Variants in GTF2F1 observed in about 807,000 individuals in gnomAD.
GTF2F1 encodes the protein general transcription factor IIF subunit 1.
A neutral mutation model predicts 63.5 loss-of-function variants in GTF2F1; 39 were observed. That is an observed-to-expected ratio of 0.61 (90% CI 0.48 to 0.80). The LOEUF (loss-of-function observed/expected upper bound fraction) is 0.80. Ranked by LOEUF, GTF2F1 falls within the 30% of genes least tolerant of loss-of-function variation. The pLI, the probability that GTF2F1 is intolerant of heterozygous loss-of-function variation, is 0.00. For synonymous variants in GTF2F1, 287 were observed against 285.3 expected (o/e 1.01, Z -0.06); for missense variants, 657 against 718.3 (o/e 0.91, Z 0.97).
At position 6,383,678 on chromosome 19, in the gene GTF2F1, C is replaced by T. The variant is rs1034040830; in HGVS notation, c.498-183G>A. ...ATAGAGCCAGCCCTTCCTGCCTTCC[C>T]GTTCTGCCCCGAGTCCCTCAAAGAG... is the stretch of plus-strand genomic sequence containing the variant. On this transcript the variant is annotated intron_variant, in intron 5 of 12. Coordinates refer to ENST00000394456, the MANE Select transcript of GTF2F1 (RefSeq NM_002096.3). The surrounding 1 kb of genome is among the most constrained non-coding windows in gnomAD (Gnocchi z 4.5). Among the ~76,000 whole-genome samples the T allele has an allele frequency of 5.3e-5, 8 of 152,246 alleles. No homozygotes were observed. The highest frequency in any genetic ancestry group is 9.6e-5 in the African/African-American group (4 of 41,460).
chr19:6,381,997 C>T lies in GTF2F1; in HGVS notation c.683-147G>A. ...TACACCTCCAGGGCCAGCCCAGGAG[C>T]TCAGCTCTCCTAAACAAACTCCCGG... On this transcript the variant is annotated intron_variant, in intron 6 of 12. Transcript: ENST00000394456. This position sits in a 1 kb window ranked among gnomAD's most constrained non-coding sequence, Gnocchi z 4.1. The T allele has an allele frequency of 1.5e-6, 1 of 664,240 alleles. No homozygotes were observed. Among genetic ancestry groups the T allele is most frequent in the East Asian group, 2.7e-5 (1 of 36,978 alleles). The allele number at this position is 664,240 out of a possible 1,614,324, so 41.1% of individuals were successfully genotyped here.
chr19:6,380,790 C>T lies in GTF2F1; in HGVS notation c.1232-100G>A. 1 of 1,509,468 alleles carries T rather than the reference C, an allele frequency of 6.6e-7. No individual in the cohort carries two copies. Among genetic ancestry groups the T allele is most frequent in the Non-Finnish European group, 9.0e-7 (1 of 1,115,224 alleles). 93.5% of individuals were successfully genotyped at this position (1,509,468 alleles called of 1,614,324 possible). ...TGCCAGGATTAGGGTTCAAGGGGAT[C>T]AGGGAGAGACAGGCCTCCACCCGCA... On this transcript the variant is annotated intron_variant, in intron 11 of 12. Coordinates refer to ENST00000394456, the MANE Select transcript of GTF2F1 (RefSeq NM_002096.3). The surrounding 1 kb of genome is among the most constrained non-coding windows in gnomAD (Gnocchi z 5.3).
At chr19:6,386,399 C>A (rs202197476) in intron 5 of GTF2F1, among the ~76,000 whole-genome samples, 12 of 151,604 alleles carry the variant, frequency 7.9e-5, no homozygotes, top group East Asian at 5.9e-4. Context: ...AAAAAAAACA[C>A]ACAAACAAAC....
In GTF2F1 at chr19:6,392,964, C is replaced by G. The variant is rs769782487; in HGVS notation, c.12+20G>C. 4 of 1,614,166 alleles carry G rather than the reference C, an allele frequency of 2.5e-6. No homozygotes were observed. Among genetic ancestry groups the G allele is most frequent in the Non-Finnish European group, 3.4e-6 (4 of 1,180,036 alleles). On this transcript the variant is annotated intron_variant, in intron 1 of 12. Transcript: ENST00000394456. ...GAGGTCGCCGTCGGAACCCCCGAAC[C>G]CCGCCAAATCCACACTCACTAGGGC...
Position 6,380,734 on chromosome 19 carries a change from G to A in GTF2F1, c.1232-44C>T. The A allele has an allele frequency of 1.1e-5, 18 of 1,591,196 alleles. No homozygotes were observed. The highest frequency in any genetic ancestry group is 1.5e-5 in the Non-Finnish European group (17 of 1,169,206). On this transcript the variant is annotated intron_variant, in intron 11 of 12. Coordinates refer to ENST00000394456, the MANE Select transcript of GTF2F1 (RefSeq NM_002096.3). The surrounding 1 kb of genome is among the most constrained non-coding windows in gnomAD (Gnocchi z 5.3). ...GGCTGAGTCTTGCAGGCAGGAGGCA[G>A]AACCCCTGGGCAGGACCCCAGGCTG...
rs746955897 is a variant in GTF2F1, at chr19:6,381,556, T to C, written c.896A>G (p.Lys299Arg). Residue 299 changes from lysine (K) to arginine (R), a missense_variant and splice_region_variant, in exon 8 of 13, where the codon AAG becomes AGG. Transcript: ENST00000394456. This position sits in a 1 kb window ranked among gnomAD's most constrained non-coding sequence, Gnocchi z 4.1. ...AKAPQQEEGP[K>R]GVDEQSDSSE... ...CGGCCCGCCCAGCCATCGCCTACCC[T>C]TGGGCCCCTCCTCCTGCTGCGGCGC... 5 of 1,613,148 alleles carry C rather than the reference T, an allele frequency of 3.1e-6. No individual in the cohort carries two copies. The highest frequency in any genetic ancestry group is 2.7e-5 in the African/African-American group (2 of 75,066).
Position 6,380,426 on chromosome 19 carries a change from G to C in GTF2F1, c.1409C>G (p.Thr470Ser). The C allele has an allele frequency of 6.2e-7, 1 of 1,614,146 alleles. No individual in the cohort carries two copies. The highest frequency in any genetic ancestry group is 8.5e-7 in the Non-Finnish European group (1 of 1,180,034). Residue 470 changes from threonine (T) to serine (S), a missense_variant, in exon 13 of 13, where the codon ACT becomes AGT. Physicochemically the swap from Thr to Ser is moderately conservative, Grantham distance 58. This residue lies in a region of GTF2F1 where 55 missense variants were observed against 92.6 expected (regional missense o/e 0.59). Transcript: ENST00000394456. The surrounding 1 kb of genome is among the most constrained non-coding windows in gnomAD (Gnocchi z 5.3). ...RRYLTRKPMT[T>S]KDLLKKFQTK... ...CTGGAACTTTTTCAGCAGGTCCTTA[G>C]TGGTCATGGGCTTCCGTGTCAGGTA...
At chr19:6,392,076 C>T (rs764788442) in intron 2 of GTF2F1, 102 bp from the exon 3 acceptor site, 21 of 692,910 alleles carry the variant, frequency 3.0e-5, no homozygotes, top group African/African-American at 2.8e-4. Context: ...AACCACCCAA[C>T]TGGATCGTTA....
intron 5 of GTF2F1, among the ~76,000 whole-genome samples, chr19:6,384,364 C>T (rs2091966383): frequency 6.6e-6 from 1 of 151,538 alleles, no homozygotes; most frequent in South Asian, 2.1e-4. Flanking sequence ...AAAAATTAGC[C>T]GGGCGTGGTG....
intron 4 of GTF2F1, among the ~76,000 whole-genome samples, chr19:6,387,945 T>C (rs1424774584): frequency 6.7e-6 from 1 of 149,932 alleles, no homozygotes; most frequent in African/African-American, 2.4e-5. Context: ...AATTTTTTTT[T>C]TTGAGATGGA....
In GTF2F1 at chr19:6,383,882, C is replaced by T. The variant is rs138536508; in HGVS notation, c.498-387G>A. Among the ~76,000 whole-genome samples, 8,614 of 152,036 alleles carry T rather than the reference C, an allele frequency of 0.057. 337 individuals carry two copies. The highest frequency in any genetic ancestry group is 0.088 in the Non-Finnish European group (5,948 of 67,946). On this transcript the variant is annotated intron_variant, in intron 5 of 12. Transcript: ENST00000394456. This position sits in a 1 kb window ranked among gnomAD's most constrained non-coding sequence, Gnocchi z 4.5. Reference sequence around the variant, plus strand: ...TGTGATCTCGGCTCACTGCAACCTCCGCCTCCTGGCTTCAAGCAATTCTCC... The same window carrying T: ...TGTGATCTCGGCTCACTGCAACCTCTGCCTCCTGGCTTCAAGCAATTCTCC...
Position 6,380,741 on chromosome 19 carries a change from T to C in GTF2F1, c.1232-51A>G. 1 of 1,586,456 alleles carries C rather than the reference T, an allele frequency of 6.3e-7. No homozygotes were observed. Among genetic ancestry groups the C allele is most frequent in the Non-Finnish European group, 8.6e-7 (1 of 1,165,870 alleles). ...TCTTGCAGGCAGGAGGCAGAACCCC[T>C]GGGCAGGACCCCAGGCTGGGCAGTG... On this transcript the variant is annotated intron_variant, in intron 11 of 12. Transcript: ENST00000394456. The surrounding 1 kb of genome is among the most constrained non-coding windows in gnomAD (Gnocchi z 5.3).
rs369168009 is a variant in GTF2F1, at chr19:6,384,774, GTTCTTTTCTT to G, written c.498-1289_498-1280del. Among the ~76,000 whole-genome samples the G allele has an allele frequency of 6.9e-3, 1,049 of 151,886 alleles. 6 individuals carry two copies. Among genetic ancestry groups the G allele is most frequent in the African/African-American group, 0.024 (975 of 41,402 alleles). On this transcript the variant is annotated intron_variant, in intron 5 of 12. Coordinates refer to ENST00000394456, the MANE Select transcript of GTF2F1 (RefSeq NM_002096.3). Reference sequence around the variant, plus strand: ...ACATGGCGAGACACCATCACCATTTGTTCTTTTCTTTTCTTTTCTTTTCTTTTGAGTTGGA... The same window carrying G: ...ACATGGCGAGACACCATCACCATTTGTTCTTTTCTTTTCTTTTGAGTTGGA...
rs1442056148 is a variant in GTF2F1, at chr19:6,392,984, T to G, written c.12A>C (p.Leu4=). 1.2e-6 allele frequency: 2 copies of G among 1,614,072 alleles called. No homozygotes were observed. Among genetic ancestry groups the G allele is most frequent in the Non-Finnish European group, 1.7e-6 (2 of 1,180,010 alleles). MAA[L]GPSSQNVTEY... ...CGAACCCCGCCAAATCCACACTCAC[T>G]AGGGCCGCCATGGGCAATGGTCAGT... is the stretch of plus-strand genomic sequence containing the variant. Residue 4 remains leucine, a splice_region_variant and synonymous_variant, in exon 1 of 13, where the codon CTA becomes CTC. Transcript: ENST00000394456.
chr19:6,388,937 C>A (rs1050002693), intron 4 of GTF2F1, among the ~76,000 whole-genome samples: 2 of 152,050 alleles, frequency 1.3e-5, no homozygotes, highest in East Asian at 1.9e-4. Flanking sequence ...CGGAGTGAGA[C>A]CCTGTCTCAA....
Position 6,380,642 on chromosome 19 carries a change from G to A in GTF2F1, c.1280C>T (p.Thr427Met), listed in dbSNP as rs374679232. The part of the protein sequence containing the change: ...MPAAKRLRLD[T>M]GPQSLSGKST... ...CTTCCCAGACAGGCTCTGGGGTCCC[G>A]TGTCCAGCCGCAACCGCTTGGCTGC... The change falls in exon 12 of 13, where the codon ACG becomes ATG. Residue 427 changes from threonine to methionine, a missense_variant. This residue lies in a region of GTF2F1 where 602 missense variants were observed against 625.6 expected (regional missense o/e 0.96). Coordinates refer to ENST00000394456, the MANE Select transcript of GTF2F1 (RefSeq NM_002096.3). This position sits in a 1 kb window ranked among gnomAD's most constrained non-coding sequence, Gnocchi z 5.3. 34 of 1,613,506 alleles carry A rather than the reference G, an allele frequency of 2.1e-5. No homozygotes were observed. The highest frequency in any genetic ancestry group is 8.9e-5 in the East Asian group (4 of 44,884).
rs947962740 is a variant in GTF2F1 at position 6,387,328 on chromosome 19, T to A, written c.497+61A>T. ...TCCCAGCACAGGGCCTGGTGATATA[T>A]CCATGGCAAGGCACCCCATTTCCCT... On this transcript the variant is annotated intron_variant, in intron 5 of 12. Coordinates refer to ENST00000394456, the MANE Select transcript of GTF2F1 (RefSeq NM_002096.3). The A allele has an allele frequency of 2.6e-6, 4 of 1,509,548 alleles. No individual in the cohort carries two copies. In the African/African-American group the frequency reaches 4.1e-5, roughly 15 times the overall value. 93.5% of individuals were successfully genotyped at this position (1,509,548 alleles called of 1,614,324 possible). A position where few individuals can be genotyped will look rare whatever the true frequency, so the allele number is the denominator to read the frequency against.
At chr19:6,385,395 CAAAAAAAAAA>C (rs10602439) in intron 5 of GTF2F1, among the ~76,000 whole-genome samples, 3 of 37,982 alleles carry the variant, frequency 7.9e-5, no homozygotes, top group East Asian at 1.4e-3. Flanking sequence ...GAGACTGTCT[CAAAAAAAAAA>C]AAAAAAAAAA....
At chr19:6,392,044 C>A in intron 2 of GTF2F1, 70 bp from the exon 3 acceptor site, 1 of 793,788 alleles carries the variant, frequency 1.3e-6, no homozygotes, top group Non-Finnish European at 2.2e-6. Context: ...TCAGTCAATG[C>A]TATTGAACCA....
Sources: allele counts gnomAD v4.1 joint callset (sites outside exome capture counted in the v4.1 genomes callset), GRCh38; gene constraint gnomAD v4.1.1; regional missense constraint gnomAD v4.1.1; non-coding constraint Gnocchi (gnomAD v3.1); transcripts MANE v1.5; gene names NCBI Gene and HGNC (gene_info 2026-07-23, HGNC 2026-07-21).